Variants in TRPM4 observed in about 807,000 individuals in gnomAD.
TRPM4 encodes transient receptor potential cation channel subfamily M member 4.
Under a neutral mutation model 135.6 loss-of-function variants are expected in TRPM4, and 124 were observed. The ratio of observed to expected loss-of-function variants is 0.91; its 90% CI spans 0.79 to 1.06. The LOEUF is 1.06. TRPM4 is among the 50% of genes least tolerant of loss of function. The probability of loss-of-function intolerance (pLI) is 0.00; values close to 1 mark genes in which losing one functional copy is unlikely to be tolerated. For synonymous variants in TRPM4, 745 were observed against 705.6 expected (o/e 1.06, Z -0.88); for missense variants, 1,658 against 1,671.4 (o/e 0.99, Z 0.14).
In TRPM4 at chr19:49,194,007, TTCC is replaced by T. The variant is rs1238996596; in HGVS notation, c.2211-2424_2211-2422del. 6.9e-5 allele frequency among the ~76,000 whole-genome samples: 9 copies of T among 130,982 alleles called. No homozygotes were observed. The East Asian group carries it at 2.2e-3, about 32-fold the overall frequency. The allele number at this position is 130,982 out of a possible 152,430, so 85.9% of individuals were successfully genotyped here. ...CCTCCTTCTCCTCATCCTCTTTCTC[TTCC>T]TCCTCCTCATCCTCCTCCTGCTCCT... On this transcript the variant is annotated intron_variant, in intron 16 of 24. Coordinates refer to ENST00000252826, the MANE Select transcript of TRPM4 (RefSeq NM_017636.4).
rs1385453102 is a variant in TRPM4, at chr19:49,196,475, T to A, written c.2246T>A (p.Val749Asp). 6.4e-7 allele frequency: 1 copy of A among 1,554,206 alleles called. No individual in the cohort carries two copies. The highest frequency in any genetic ancestry group is 1.9e-5 in the Admixed American group (1 of 52,026). The change falls in exon 17 of 25, where the codon GTC (valine) becomes GAC (aspartate). Residue 749 changes from valine to aspartate, a missense_variant. Transcript: ENST00000252826. The stretch of plus-strand genomic sequence containing the variant: ...CCAGCCGAGAAGACGCCGCTGGGGG[T>A]CCCGCGCCAGTCGGGCCGTCCGGGT... ...ADPAEKTPLG[V>D]PRQSGRPGCC...
intron 20 of TRPM4, among the ~76,000 whole-genome samples, chr19:49,206,275 C>G (rs1969148046): frequency 6.6e-6 from 1 of 152,084 alleles, no homozygotes; most frequent in Non-Finnish European, 1.5e-5. Context: ...GTGTTGATTA[C>G]TGTAGGTTTG....
chr19:49,210,544 A>AG lies in TRPM4; in HGVS notation c.3328+140dup, dbSNP rs1451007345. 1.6e-5 allele frequency: 22 copies of AG among 1,413,214 alleles called. No individual in the cohort carries two copies. Among genetic ancestry groups the AG allele is most frequent in the Non-Finnish European group, 2.1e-5 (21 of 1,022,186 alleles). 87.5% of individuals were successfully genotyped at this position (1,413,214 alleles called of 1,614,324 possible). ...GCGGGGTTTAAGCAACAAGGGGCGG[A>AG]GCTTAAGCACTGAGGGGCAGTGCTT... On this transcript the variant is annotated intron_variant, in intron 21 of 24. Coordinates refer to ENST00000252826, the MANE Select transcript of TRPM4 (RefSeq NM_017636.4). This position sits in a 1 kb window ranked among gnomAD's most constrained non-coding sequence, Gnocchi z 4.1.
At chr19:49,184,404 G>T (rs1968116881) in intron 12 of TRPM4, among the ~76,000 whole-genome samples, 1 of 138,198 alleles carries the variant, frequency 7.2e-6, no homozygotes, top group Non-Finnish European at 1.6e-5. Context: ...CAGTTATTGT[G>T]CTTTTTAGCT....
At position 49,186,000 on chromosome 19, in the gene TRPM4, C is replaced by CTTGG. The variant is rs577245494; in HGVS notation, c.1744-2640_1744-2637dup. ...TCCTGACCTCAGGTGATCCACCCACCTTGGCCTCCCAAAGTGTTAGGATTA... is the reference window on the plus strand; with the variant it reads ...TCCTGACCTCAGGTGATCCACCCACCTTGGTTGGCCTCCCAAAGTGTTAGGATTA... On this transcript the variant is annotated intron_variant, in intron 12 of 24. Coordinates refer to ENST00000252826, the MANE Select transcript of TRPM4 (RefSeq NM_017636.4). 1.5e-3 allele frequency among the ~76,000 whole-genome samples: 231 copies of CTTGG among 152,316 alleles called. 1 individual carries two copies. The highest frequency in any genetic ancestry group is 5.4e-3 in the African/African-American group (223 of 41,570).
At chr19:49,167,497 C>T (rs1967256737) in intron 3 of TRPM4, 1 of 251,224 alleles carries the variant, frequency 4.0e-6, no homozygotes, top group Admixed American at 5.0e-5. Flanking sequence ...CCCTCTCTCT[C>T]TGGGTCTCTG....
intron 17 of TRPM4, 98 bp downstream of exon 17, chr19:49,196,972 C>A: frequency 1.6e-6 from 2 of 1,273,546 alleles, no homozygotes; most frequent in Non-Finnish European, 1.1e-6. Context: ...CGCAGCTGGG[C>A]AGCAGGTCAA....
At chr19:49,208,976 C>T (rs968151016) in intron 20 of TRPM4, among the ~76,000 whole-genome samples, 7 of 150,178 alleles carry the variant, frequency 4.7e-5, no homozygotes, top group Non-Finnish European at 7.4e-5. Context: ...AAAAAAAAAT[C>T]GTGAAGTGTT....
intron 20 of TRPM4, among the ~76,000 whole-genome samples, chr19:49,205,323 G>A (rs1466627894): frequency 6.6e-6 from 1 of 152,006 alleles, no homozygotes; most frequent in Non-Finnish European, 1.5e-5. Flanking sequence ...TTGGCTTCTA[G>A]TTGCGTCATT....
intron 20 of TRPM4, among the ~76,000 whole-genome samples, chr19:49,207,568 T>C (rs1229121740): frequency 6.8e-6 from 1 of 146,828 alleles, no homozygotes. Context: ...AGGTCAAGGC[T>C]GTGGCTTCAG....
chr19:49,197,317 TTTC>T (rs1968705619), intron 17 of TRPM4, among the ~76,000 whole-genome samples: 1 of 79,190 alleles, frequency 1.3e-5, no homozygotes, highest in African/African-American at 6.4e-5. Context: ...TTTTTCTTTC[TTTC>T]TTTCTTTCTT....
intron 20 of TRPM4, among the ~76,000 whole-genome samples, chr19:49,209,439 A>G (rs1969268222): frequency 6.6e-6 from 1 of 152,124 alleles, no homozygotes; most frequent in South Asian, 2.1e-4. Context: ...TCAATCTCTT[A>G]TGATAATTCT....
At chr19:49,178,432 G>A (rs140603279) in intron 9 of TRPM4, among the ~76,000 whole-genome samples, 2,049 of 152,256 alleles carry the variant, frequency 0.013, 41 homozygotes, top group Middle Eastern at 0.024. Flanking sequence ...TATAGCTGGG[G>A]CCAGGAGGAC....
chr19:49,174,637 C>A (rs1967605085), intron 9 of TRPM4, among the ~76,000 whole-genome samples: 1 of 151,472 alleles, frequency 6.6e-6, no homozygotes, highest in African/African-American at 2.4e-5. Context: ...TGGCGCATAC[C>A]TGTAATCCCA....
At chr19:49,176,994 T>A (rs1033483773) in intron 9 of TRPM4, among the ~76,000 whole-genome samples, 7 of 152,098 alleles carry the variant, frequency 4.6e-5, no homozygotes, top group African/African-American at 2.4e-5. Context: ...TAAGCCTCCA[T>A]GGCAAGGTAT....
chr19:49,168,448 G>A (rs773243853), intron 5 of TRPM4, 25 bp downstream of exon 5: 6 of 1,613,916 alleles, frequency 3.7e-6, no homozygotes, highest in Non-Finnish European at 4.2e-6. Flanking sequence ...CTTGGAAAAG[G>A]GGGCTGGAGG....
intron 16 of TRPM4, among the ~76,000 whole-genome samples, chr19:49,193,685 G>A (rs1353770099): frequency 1.3e-5 from 2 of 152,058 alleles, no homozygotes; most frequent in Non-Finnish European, 2.9e-5. Context: ...AGATGTGGGG[G>A]AAGCTTTCTG....
chr19:49,165,140 G>A (rs1967122989), intron 2 of TRPM4, among the ~76,000 whole-genome samples: 1 of 152,060 alleles, frequency 6.6e-6, no homozygotes, highest in African/African-American at 2.4e-5. Context: ...CATTTCTTTA[G>A]GTGGGGGAAA....
At chr19:49,166,020 G>A in intron 2 of TRPM4, 21 bp from the exon 3 acceptor site, 1 of 1,573,342 alleles carries the variant, frequency 6.4e-7, no homozygotes, top group South Asian at 1.2e-5. Flanking sequence ...CTGGGTTCAC[G>A]CTCCGCCCTC....
Sources: allele counts gnomAD v4.1 joint callset (sites outside exome capture counted in the v4.1 genomes callset), GRCh38; gene constraint gnomAD v4.1.1; non-coding constraint Gnocchi (gnomAD v3.1); transcripts MANE v1.5; gene names NCBI Gene and HGNC (gene_info 2026-07-23, HGNC 2026-07-21).